The following PEBP4 variants were observed in gnomAD, a reference collection of about 807,000 sequenced individuals.
The protein encoded by PEBP4 is phosphatidylethanolamine binding protein 4, also known as phosphatidylethanolamine-binding protein 4.
PEBP4 carries 22 observed loss-of-function variants against 23.9 expected under a neutral mutation model. The ratio of observed to expected loss-of-function variants is 0.92; its 90% CI spans 0.66 to 1.31. The LOEUF (loss-of-function observed/expected upper bound fraction) is 1.31. Ranked by LOEUF, PEBP4 falls within the 40% of genes most tolerant of loss-of-function variation. The probability of loss-of-function intolerance (pLI) is 0.00; values close to 1 mark genes in which losing one functional copy is unlikely to be tolerated. For missense variants in PEBP4, 324 were observed against 281.7 expected, an observed-to-expected ratio of 1.15 and a Z score of -1.07; for synonymous variants, 112 against 99.3, an observed-to-expected ratio of 1.13 and a Z score of -0.76.
At chr8:22,912,191 G>A (rs373576367) in intron 3 of PEBP4, among the ~76,000 whole-genome samples, 475 of 152,314 alleles carry the variant, frequency 3.1e-3, no homozygotes, top group Non-Finnish European at 5.3e-3. Context: ...TAAGACAGTC[G>A]CCGGAGCACG....
At chr8:22,840,884 A>G (rs1399423211) in intron 3 of PEBP4, among the ~76,000 whole-genome samples, 2 of 152,220 alleles carry the variant, frequency 1.3e-5, no homozygotes, top group Non-Finnish European at 2.9e-5. Context: ...TGAACAAAAT[A>G]CAGGAAATAT....
intron 3 of PEBP4, among the ~76,000 whole-genome samples, chr8:22,901,596 G>T (rs911468372): frequency 6.6e-6 from 1 of 152,136 alleles, no homozygotes; most frequent in African/African-American, 2.4e-5. Context: ...CTAATTCCCT[G>T]TCATAGGTGA....
intron 4 of PEBP4, among the ~76,000 whole-genome samples, chr8:22,810,056 G>A (rs1305108303): frequency 1.3e-5 from 2 of 152,210 alleles, no homozygotes; most frequent in African/African-American, 4.8e-5. Context: ...GGACCAAAAT[G>A]TGCTTCCCTG....
chr8:22,749,654 A>G (rs1210422517), intron 4 of PEBP4, among the ~76,000 whole-genome samples: 1 of 152,042 alleles, frequency 6.6e-6, no homozygotes, highest in African/African-American at 2.4e-5. Flanking sequence ...GCAGGCACCA[A>G]TGAGCTGCAA....
At chr8:22,725,810 T>A (rs992953927) in intron 5 of PEBP4, among the ~76,000 whole-genome samples, 1 of 152,116 alleles carries the variant, frequency 6.6e-6, no homozygotes, top group South Asian at 2.1e-4. Flanking sequence ...GAGGGAGTAT[T>A]GGTCCTTTAT....
At chr8:22,888,390 G>T (rs1808426814) in intron 3 of PEBP4, among the ~76,000 whole-genome samples, 1 of 152,108 alleles carries the variant, frequency 6.6e-6, no homozygotes. Flanking sequence ...CTGACCTCAG[G>T]TGATCTGCCC....
At chr8:22,767,619 T>C (rs1282514777) in intron 4 of PEBP4, among the ~76,000 whole-genome samples, 1 of 151,892 alleles carries the variant, frequency 6.6e-6, no homozygotes, top group African/African-American at 2.4e-5. Context: ...GGTATATGGA[T>C]GGGGAGGAGG....
chr8:22,760,572 G>T (rs1805486746), intron 4 of PEBP4, among the ~76,000 whole-genome samples: 1 of 151,888 alleles, frequency 6.6e-6, no homozygotes, highest in South Asian at 2.1e-4. Flanking sequence ...GAGGATGGCA[G>T]GGGGGGCAGT....
intron 4 of PEBP4, among the ~76,000 whole-genome samples, chr8:22,785,748 A>G (rs1186362202): frequency 6.6e-6 from 1 of 152,160 alleles, no homozygotes; most frequent in Non-Finnish European, 1.5e-5. Flanking sequence ...CGGAGAGGCC[A>G]CCTCAGTCTG....
chr8:22,731,249 C>A (rs1036660916), intron 4 of PEBP4, among the ~76,000 whole-genome samples: 4 of 152,204 alleles, frequency 2.6e-5, no homozygotes, highest in African/African-American at 9.7e-5. Flanking sequence ...ACCTCTTCCA[C>A]CTCTTCTGCC....
intron 4 of PEBP4, among the ~76,000 whole-genome samples, chr8:22,781,014 G>A (rs1025281097): frequency 1.3e-5 from 2 of 152,324 alleles, no homozygotes; most frequent in South Asian, 4.1e-4. Flanking sequence ...TGAAGACAGC[G>A]CAGTTAGCAA....
At chr8:22,846,213 G>T (rs965948577) in intron 3 of PEBP4, among the ~76,000 whole-genome samples, 3 of 152,174 alleles carry the variant, frequency 2.0e-5, no homozygotes, top group Admixed American at 6.5e-5. Context: ...AGGCATCAGG[G>T]GAGGCTGCAC....
At chr8:22,850,704 A>T (rs887347329) in intron 3 of PEBP4, among the ~76,000 whole-genome samples, 1 of 152,134 alleles carries the variant, frequency 6.6e-6, no homozygotes, top group African/African-American at 2.4e-5. Flanking sequence ...TCCTCCCAAC[A>T]TGGTTTGAAA....
At chr8:22,807,997 C>T (rs1806537247) in intron 4 of PEBP4, among the ~76,000 whole-genome samples, 1 of 152,016 alleles carries the variant, frequency 6.6e-6, no homozygotes, top group Non-Finnish European at 1.5e-5. Context: ...AATGTCTATC[C>T]ATTCATCCAT....
At chr8:22,794,235 T>C (rs953978146) in intron 4 of PEBP4, among the ~76,000 whole-genome samples, 9 of 152,362 alleles carry the variant, frequency 5.9e-5, no homozygotes, top group African/African-American at 2.2e-4. Context: ...TATTGTCCTA[T>C]GCACTTTATA....
At chr8:22,917,577 C>T (rs1365147270) in intron 3 of PEBP4, among the ~76,000 whole-genome samples, 1 of 152,146 alleles carries the variant, frequency 6.6e-6, no homozygotes, top group Non-Finnish European at 1.5e-5. Flanking sequence ...TTGACTCTGG[C>T]TCTGGCACCT....
At chr8:22,878,539 C>T (rs1808177663) in intron 3 of PEBP4, among the ~76,000 whole-genome samples, 1 of 152,206 alleles carries the variant, frequency 6.6e-6, no homozygotes, top group Admixed American at 6.5e-5. Context: ...TACCCTATTG[C>T]TCATATCTAA....
At chr8:22,811,235 T>C (rs1333859112) in intron 4 of PEBP4, among the ~76,000 whole-genome samples, 1 of 152,206 alleles carries the variant, frequency 6.6e-6, no homozygotes, top group African/African-American at 2.4e-5. Flanking sequence ...TGAACAATTA[T>C]GCTGCATTAG....
intron 3 of PEBP4, among the ~76,000 whole-genome samples, chr8:22,821,256 A>T (rs904965500): frequency 2.6e-5 from 4 of 152,226 alleles, no homozygotes; most frequent in African/African-American, 2.4e-5. Context: ...ATAAAGGATG[A>T]AAAGCAGAGC....
Sources: gnomAD v4.1 joint callset for allele counts (sites outside exome capture counted in the v4.1 genomes callset) on GRCh38, gnomAD v4.1.1 for gene constraint, MANE v1.5 for transcripts, NCBI Gene and HGNC (gene_info 2026-07-23, HGNC 2026-07-21) for gene names.